The following KCNMA1 variants were observed in gnomAD, a reference collection of about 807,000 sequenced individuals.
KCNMA1 encodes Calcium-activated potassium channel subunit alpha-1.
Under a neutral mutation model 140.0 loss-of-function variants are expected in KCNMA1, and 29 were observed. The observed-to-expected ratio is 0.21, with a 90% CI of 0.15 to 0.28. The LOEUF is 0.28. Ranked by LOEUF, KCNMA1 falls within the 10% of genes least tolerant of loss-of-function variation. The probability of loss-of-function intolerance (pLI) is 1.00; values close to 1 mark genes in which losing one functional copy is unlikely to be tolerated. For synonymous variants in KCNMA1, 612 were observed against 611.9 expected (o/e 1.00, Z 0.00); for missense variants, 880 against 1,602.2 (o/e 0.55, Z 7.70).
intron 13 of KCNMA1, among the ~76,000 whole-genome samples, chr10:77,075,955 C>A (rs1452565855): frequency 6.6e-6 from 1 of 152,178 alleles, no homozygotes; most frequent in Non-Finnish European, 1.5e-5. Context: ...GCAGGTCTGG[C>A]AGACCTGGCT....
At position 77,079,769 on chromosome 10, in the gene KCNMA1, C is replaced by T. The variant is rs1014327227; in HGVS notation, c.1524-219G>A. 1.4e-5 allele frequency: 8 copies of T among 587,080 alleles called. No homozygotes were observed. The Admixed American group carries it at 1.9e-4, about 14-fold the overall frequency. 36.4% of individuals were successfully genotyped at this position (587,080 alleles called of 1,614,324 possible). A position where few individuals can be genotyped will look rare whatever the true frequency, so the allele number is the denominator to read the frequency against. Reference sequence around the variant, plus strand: ...TTCACTGGACAAGCCCAGCAGTGTGCCCTGTCAGTTTACCATTGCCATGGC... The same window carrying T: ...TTCACTGGACAAGCCCAGCAGTGTGTCCTGTCAGTTTACCATTGCCATGGC... On this transcript the variant is annotated intron_variant, in intron 12 of 27. Coordinates refer to ENST00000286628, the MANE Select transcript of KCNMA1 (RefSeq NM_001161352.2).
intron 2 of KCNMA1, among the ~76,000 whole-genome samples, chr10:77,318,663 C>T (rs775888929): frequency 5.3e-5 from 8 of 152,216 alleles, no homozygotes; most frequent in Non-Finnish European, 8.8e-5. Flanking sequence ...TCCCTACTCA[C>T]GTCCTAGAAG....
chr10:76,896,829 T>C (rs1279840921), intron 25 of KCNMA1, among the ~76,000 whole-genome samples: 1 of 151,984 alleles, frequency 6.6e-6, no homozygotes, highest in Non-Finnish European at 1.5e-5. Context: ...AAATTGACTG[T>C]AGTGATGGCT....
intron 2 of KCNMA1, among the ~76,000 whole-genome samples, chr10:77,279,043 G>T (rs185205404): frequency 6.6e-6 from 1 of 152,080 alleles, no homozygotes; most frequent in Admixed American, 6.6e-5. Flanking sequence ...TAGGTTTTTG[G>T]GGGGTGTGTT....
intron 26 of KCNMA1, among the ~76,000 whole-genome samples, chr10:76,890,811 G>A (rs16933987): frequency 0.012 from 1,765 of 152,258 alleles, 82 homozygotes; most frequent in Admixed American, 0.086. Flanking sequence ...GAAGGGAGAC[G>A]CTGGCCACTT....
Position 76,953,916 on chromosome 10 carries a change from G to A in KCNMA1, c.2369C>T (p.Pro790Leu). Residue 790 changes from proline (P) to leucine (L), a missense_variant, in exon 21 of 28, where the codon CCC (proline) becomes CTC (leucine). This residue lies in a region of KCNMA1 where 196 missense variants were observed against 233.0 expected (regional missense o/e 0.84). Coordinates refer to ENST00000286628, the MANE Select transcript of KCNMA1 (RefSeq NM_001161352.2). ...NTSPKLMRHD[P>L]LLIPGNDQID... ...CTGATCATTGCCAGGAATTAACAAG[G>A]GGTCATGCCTGGGAAGAAAAGGACA... is the stretch of plus-strand genomic sequence containing the variant. 6.2e-7 allele frequency: 1 copy of A among 1,614,040 alleles called. No homozygotes were observed. Among genetic ancestry groups the A allele is most frequent in the Non-Finnish European group, 8.5e-7 (1 of 1,179,940 alleles).
At chr10:76,895,942 C>T (rs554791036) in intron 25 of KCNMA1, among the ~76,000 whole-genome samples, 1 of 152,244 alleles carries the variant, frequency 6.6e-6, no homozygotes, top group African/African-American at 2.4e-5. Context: ...CAAAAGGTCA[C>T]AAGGCAAAAG....
chr10:77,400,358 G>A (rs2154459664), intron 2 of KCNMA1, among the ~76,000 whole-genome samples: 1 of 152,306 alleles, frequency 6.6e-6, no homozygotes, highest in South Asian at 2.1e-4. Context: ...CCTTCAGAGA[G>A]CAGCTGGCAC....
chr10:77,472,996 G>A (rs1042483530), intron 1 of KCNMA1, among the ~76,000 whole-genome samples: 6 of 152,168 alleles, frequency 3.9e-5, no homozygotes, highest in South Asian at 2.1e-4. Context: ...ACTTCCCAGC[G>A]GGGCCACCCA....
chr10:77,230,680 G>T (rs2053278236), intron 3 of KCNMA1, among the ~76,000 whole-genome samples: 1 of 152,108 alleles, frequency 6.6e-6, no homozygotes, highest in South Asian at 2.1e-4. Context: ...AGGAAAAGAA[G>T]AACAATATTG....
At chr10:77,021,202 T>C (rs185615357) in intron 16 of KCNMA1, 1 of 152,296 alleles carries the variant, frequency 6.6e-6, no homozygotes, top group East Asian at 1.9e-4. Flanking sequence ...AAAAATTCCA[T>C]GCACTGGCTT....
intron 1 of KCNMA1, among the ~76,000 whole-genome samples, chr10:77,524,458 C>T (rs1158823416): frequency 6.6e-6 from 1 of 152,170 alleles, no homozygotes; most frequent in Non-Finnish European, 1.5e-5. Flanking sequence ...AAACTATGCT[C>T]TCTCAGAATA....
At chr10:77,340,641 C>T (rs1281870175) in intron 2 of KCNMA1, among the ~76,000 whole-genome samples, 2 of 146,356 alleles carry the variant, frequency 1.4e-5, no homozygotes, top group African/African-American at 2.6e-5. Flanking sequence ...TGTTCTCACT[C>T]ATAGGTGGGA....
rs74400003 is a variant in KCNMA1 at position 77,120,576 on chromosome 10, G to A, written c.884+397C>T. 1.4e-4 allele frequency among the ~76,000 whole-genome samples: 22 copies of A among 152,258 alleles called. No homozygotes were observed. In the East Asian group the frequency reaches 4.2e-3, roughly 29 times the overall value. On this transcript the variant is annotated intron_variant, in intron 6 of 27. Transcript: ENST00000286628. ...GACTGGGTTCAATTTCTTATTTAGT[G>A]ATGTAATAAAGGGGCGATTTAGAAT... is the stretch of plus-strand genomic sequence containing the variant.
intron 1 of KCNMA1, among the ~76,000 whole-genome samples, chr10:77,462,896 A>G (rs1190711154): frequency 1.3e-5 from 2 of 152,150 alleles, no homozygotes; most frequent in Non-Finnish European, 2.9e-5. Flanking sequence ...GGAAACAGCC[A>G]GCATCTTGCT....
At chr10:77,356,035 A>C (rs1405264035) in intron 2 of KCNMA1, among the ~76,000 whole-genome samples, 1 of 152,172 alleles carries the variant, frequency 6.6e-6, no homozygotes, top group African/African-American at 2.4e-5. Context: ...ACGTAAAATT[A>C]ATCACTTCCT....
chr10:77,171,472 CT>C (rs1220118002), intron 5 of KCNMA1, among the ~76,000 whole-genome samples: 9 of 150,792 alleles, frequency 6.0e-5, no homozygotes, highest in Non-Finnish European at 8.8e-5. Flanking sequence ...AGGTATGTTC[CT>C]CTGGTTTAAG....
At position 76,885,438 on chromosome 10, in the gene KCNMA1, G is replaced by A; in HGVS notation, c.*1828C>T. On this transcript the variant is annotated 3_prime_UTR_variant, in exon 28 of 28. Transcript: ENST00000286628. The stretch of plus-strand genomic sequence containing the variant: ...TGTCTTTGGTGTGGGGGAGGGTGGA[G>A]GTTCTGACTGAGCCTCACCATTTGT... 1.0e-6 allele frequency: 1 copy of A among 985,132 alleles called. No individual in the cohort carries two copies. The allele number at this position is 985,132 out of a possible 1,614,324, so 61.0% of individuals were successfully genotyped here.
At chr10:76,968,232 T>G (rs146616067) in intron 20 of KCNMA1, among the ~76,000 whole-genome samples, 94 of 152,312 alleles carry the variant, frequency 6.2e-4, no homozygotes, top group Admixed American at 1.8e-3. Context: ...GGTAATTTGA[T>G]GTTTTGCTGA....
Sources: gnomAD v4.1 joint callset for allele counts (sites outside exome capture counted in the v4.1 genomes callset) on GRCh38, gnomAD v4.1.1 for gene constraint, gnomAD v4.1.1 regional missense constraint, MANE v1.5 for transcripts, NCBI Gene and HGNC (gene_info 2026-07-23, HGNC 2026-07-21) for gene names.